CACNA2D3: variants seen among roughly 807,000 people sequenced by gnomAD.
CACNA2D3 encodes the protein voltage-dependent calcium channel subunit alpha-2/delta-3.
In CACNA2D3, 60 loss-of-function variants were observed where a neutral mutation model predicts 160.6. That is an observed-to-expected ratio of 0.37 (90% CI 0.30 to 0.46). The LOEUF is 0.46. CACNA2D3 is among the 20% of genes least tolerant of loss of function. CACNA2D3 has a pLI of 1.00. For missense variants in CACNA2D3, 1,205 were observed against 1,365.0 expected, an observed-to-expected ratio of 0.88 and a Z score of 1.85; for synonymous variants, 558 against 492.9, an observed-to-expected ratio of 1.13 and a Z score of -1.75.
intron 27 of CACNA2D3, chr3:54,928,023 C>T: frequency 1.0e-6 from 1 of 975,340 alleles, no homozygotes. Context: ...TTCAGTCTTT[C>T]TGAACCCTGC....
intron 13 of CACNA2D3, among the ~76,000 whole-genome samples, chr3:54,787,742 TAGTAA>T: frequency 6.6e-6 from 1 of 152,304 alleles, no homozygotes; most frequent in East Asian, 1.9e-4. Context: ...AAGGATTATT[TAGTAA>T]AGTTTGCTAT....
intron 8 of CACNA2D3, among the ~76,000 whole-genome samples, chr3:54,578,630 G>A (rs938045784): frequency 6.6e-6 from 1 of 152,222 alleles, no homozygotes; most frequent in Non-Finnish European, 1.5e-5. Flanking sequence ...GCTCAGCATA[G>A]CTTTATCCTG....
chr3:54,763,420 G>A (rs1020930077), intron 12 of CACNA2D3, among the ~76,000 whole-genome samples: 2 of 151,916 alleles, frequency 1.3e-5, no homozygotes, highest in Admixed American at 6.6e-5. Context: ...CAAATTTTAT[G>A]GCACCTAGCA....
At chr3:54,460,791 G>A (rs1201073352) in intron 4 of CACNA2D3, among the ~76,000 whole-genome samples, 2 of 152,088 alleles carry the variant, frequency 1.3e-5, no homozygotes, top group Non-Finnish European at 2.9e-5. Context: ...TAATTGCCCT[G>A]GCCAGAACTT....
At chr3:54,909,546 A>G (rs886099788) in intron 27 of CACNA2D3, among the ~76,000 whole-genome samples, 1 of 152,178 alleles carries the variant, frequency 6.6e-6, no homozygotes, top group Non-Finnish European at 1.5e-5. Context: ...GAAGAGTCCA[A>G]GCTTGTCCAA....
intron 24 of CACNA2D3, among the ~76,000 whole-genome samples, chr3:54,890,814 G>A (rs1700047175): frequency 6.6e-6 from 1 of 152,152 alleles, no homozygotes; most frequent in South Asian, 2.1e-4. Flanking sequence ...GATAAGCTGG[G>A]GCCCCCACAA....
intron 27 of CACNA2D3, among the ~76,000 whole-genome samples, chr3:54,952,196 A>G (rs1429138934): frequency 1.3e-5 from 2 of 152,044 alleles, no homozygotes; most frequent in African/African-American, 4.8e-5. Flanking sequence ...GTTCTATACT[A>G]TTTCTTCCCT....
At chr3:54,469,756 A>C (rs2106870184) in intron 4 of CACNA2D3, among the ~76,000 whole-genome samples, 1 of 152,126 alleles carries the variant, frequency 6.6e-6, no homozygotes, top group Non-Finnish European at 1.5e-5. Flanking sequence ...GGAGCTGAAA[A>C]ACACAGCACG....
chr3:54,984,576 T>C, intron 29 of CACNA2D3, 32 bp from the exon 30 acceptor site: 4 of 1,340,696 alleles, frequency 3.0e-6, no homozygotes, highest in Non-Finnish European at 4.1e-6. Flanking sequence ...TGAAGCTGTT[T>C]TTTTGTTTTT....
At chr3:54,129,670 T>G (rs1699667484) in intron 2 of CACNA2D3, among the ~76,000 whole-genome samples, 1 of 152,188 alleles carries the variant, frequency 6.6e-6, no homozygotes, top group Non-Finnish European at 1.5e-5. Flanking sequence ...TTAAAAGGAC[T>G]GTTATGCATG....
chr3:54,524,027 T>C (rs1291442122), intron 5 of CACNA2D3, among the ~76,000 whole-genome samples: 2 of 151,614 alleles, frequency 1.3e-5, no homozygotes, highest in Non-Finnish European at 3.0e-5. Flanking sequence ...TTATTATTTC[T>C]TTCCTTCTTC....
At chr3:54,346,150 T>C (rs1209438247) in intron 3 of CACNA2D3, among the ~76,000 whole-genome samples, 1 of 152,136 alleles carries the variant, frequency 6.6e-6, no homozygotes, top group Non-Finnish European at 1.5e-5. Flanking sequence ...TCAGGCCTGA[T>C]TCCTGGTGAT....
intron 29 of CACNA2D3, 142 bp downstream of exon 29, chr3:54,969,986 C>T: frequency 1.7e-6 from 1 of 590,476 alleles, no homozygotes; most frequent in Admixed American, 3.7e-5. Context: ...AAATCATTTG[C>T]TTTATTTGCT....
chr3:54,626,121 A>G, intron 9 of CACNA2D3: 4 of 614,766 alleles, frequency 6.5e-6, no homozygotes, highest in Non-Finnish European at 8.8e-6. Context: ...GCCTTTGGGG[A>G]GAAAATAATC....
intron 29 of CACNA2D3, among the ~76,000 whole-genome samples, chr3:54,976,768 C>A (rs1702400588): frequency 6.6e-6 from 1 of 152,158 alleles, no homozygotes; most frequent in South Asian, 2.1e-4. Context: ...CAGTGTTTGC[C>A]CCTGCTCCAG....
intron 4 of CACNA2D3, among the ~76,000 whole-genome samples, chr3:54,500,487 A>G (rs932598205): frequency 6.9e-6 from 1 of 145,584 alleles, no homozygotes; most frequent in African/African-American, 2.6e-5. Flanking sequence ...CTTCCTTCCT[A>G]TCTTCCTTCC....
At chr3:54,568,206 G>A (rs529026983) in intron 6 of CACNA2D3, among the ~76,000 whole-genome samples, 1 of 152,324 alleles carries the variant, frequency 6.6e-6, no homozygotes, top group South Asian at 2.1e-4. Context: ...ATGTTAGTTT[G>A]TAATGCCTGT....
intron 11 of CACNA2D3, among the ~76,000 whole-genome samples, chr3:54,652,777 G>A (rs1333708535): frequency 7.3e-6 from 1 of 137,378 alleles, no homozygotes; most frequent in Non-Finnish European, 1.6e-5. Context: ...GAGGAGCCAT[G>A]GGAGGCTTTT....
intron 4 of CACNA2D3, among the ~76,000 whole-genome samples, chr3:54,453,553 T>C (rs919204128): frequency 2.0e-5 from 3 of 152,168 alleles, no homozygotes; most frequent in Non-Finnish European, 4.4e-5. Context: ...CAGCTCAAAC[T>C]AGCTTAGGCA....
Sources: allele counts gnomAD v4.1 joint callset (sites outside exome capture counted in the v4.1 genomes callset), GRCh38; gene constraint gnomAD v4.1.1; transcripts MANE v1.5; gene names NCBI Gene and HGNC (gene_info 2026-07-23, HGNC 2026-07-21).